Variants in CYP4Z1 observed in about 807,000 individuals in gnomAD.
The protein encoded by CYP4Z1 is cytochrome P450 family 4 subfamily Z member 1, also known as cytochrome P450 4Z1.
A neutral mutation model predicts 54.2 loss-of-function variants in CYP4Z1; 41 were observed. The ratio of observed to expected loss-of-function variants is 0.76; its 90% CI spans 0.59 to 0.98. The LOEUF (loss-of-function observed/expected upper bound fraction) is 0.98, where lower values mean the gene tolerates loss of function less well. Among genes scored for constraint, CYP4Z1 ranks in the 50% least tolerant of loss-of-function variants. The pLI, the probability that CYP4Z1 is intolerant of heterozygous loss-of-function variation, is 0.00. For synonymous variants in CYP4Z1, 163 were observed against 206.2 expected (o/e 0.79, Z 1.79); for missense variants, 513 against 599.0 (o/e 0.86, Z 1.50).
chr1:47,112,630 A>C (rs916731483), intron 9 of CYP4Z1, among the ~76,000 whole-genome samples: 2 of 152,172 alleles, frequency 1.3e-5, no homozygotes, highest in African/African-American at 4.8e-5. Flanking sequence ...TCATTGAAAT[A>C]AATGTATTGG....
In CYP4Z1 at chr1:47,114,606, A is replaced by G. The variant is rs1644816301; in HGVS notation, c.1202-923A>G. Among the ~76,000 whole-genome samples, 3 of 144,870 alleles carry G rather than the reference A, an allele frequency of 2.1e-5. No individual in the cohort carries two copies. The Admixed American group carries it at 2.1e-4, about 10-fold the overall frequency. On this transcript the variant is annotated intron_variant, in intron 9 of 11. Transcript: ENST00000334194. ...ACTCAAACAAATTTACAAGAAAAAA[A>G]CAAACAACCCCATCAACAAGAAGGT...
Position 47,082,431 on chromosome 1 carries a change from C to G in CYP4Z1, c.462C>G (p.Thr154=). 1 of 1,613,632 alleles carries G rather than the reference C, an allele frequency of 6.2e-7. No individual in the cohort carries two copies. The highest frequency in any genetic ancestry group is 8.5e-7 in the Non-Finnish European group (1 of 1,179,826). Reference sequence around the variant, plus strand: ...TCAGCATTCTGAAAATATTCATCACCATGATGTCTGAGAGTGTTCGGATGA... The same window carrying G: ...TCAGCATTCTGAAAATATTCATCACGATGATGTCTGAGAGTGTTCGGATGA... ...FNISILKIFI[T]MMSESVRMML... Residue 154 remains threonine, a synonymous_variant, in exon 4 of 12, where the codon ACC becomes ACG. Coordinates refer to ENST00000334194, the MANE Select transcript of CYP4Z1 (RefSeq NM_178134.3).
intron 7 of CYP4Z1, among the ~76,000 whole-genome samples, chr1:47,096,031 C>A (rs1394994987): frequency 6.6e-6 from 1 of 152,120 alleles, no homozygotes; most frequent in South Asian, 2.1e-4. Context: ...CACGACTCTT[C>A]CTAAACCAGG....
intron 9 of CYP4Z1, among the ~76,000 whole-genome samples, chr1:47,108,497 A>G (rs1569754945): frequency 6.6e-6 from 1 of 152,016 alleles, no homozygotes; most frequent in East Asian, 1.9e-4. Context: ...TTACCCAGAA[A>G]TCCTGTTTAT....
At chr1:47,109,236 G>A (rs1381683493) in intron 9 of CYP4Z1, among the ~76,000 whole-genome samples, 1 of 152,200 alleles carries the variant, frequency 6.6e-6, no homozygotes, top group African/African-American at 2.4e-5. Context: ...AGATTTTAAT[G>A]AATTTATGAA....
At chr1:47,088,846 T>A (rs1207561856) in intron 6 of CYP4Z1, among the ~76,000 whole-genome samples, 4 of 138,570 alleles carry the variant, frequency 2.9e-5, no homozygotes, top group East Asian at 2.1e-4. Context: ...GGTTTCGAAC[T>A]CCTGAGCTCA....
At chr1:47,066,477 G>A (rs1293293952), upstream of CYP4Z1, among the ~76,000 whole-genome samples, 1 of 152,066 alleles carries the variant, frequency 6.6e-6, no homozygotes, top group African/African-American at 2.4e-5. Context: ...ATCCCTTTAT[G>A]ATTAAAACTC....
chr1:47,074,215 T>C (rs1215711424), intron 2 of CYP4Z1, among the ~76,000 whole-genome samples: 1 of 151,260 alleles, frequency 6.6e-6, no homozygotes, highest in Admixed American at 6.6e-5. Flanking sequence ...TACTGCATGA[T>C]ACTGTGAAGT....
In CYP4Z1 at chr1:47,090,276, G is replaced by C. The variant is rs552804215; in HGVS notation, c.773-4290G>C. Among the ~76,000 whole-genome samples, 351 of 152,208 alleles carry C rather than the reference G, an allele frequency of 2.3e-3. 2 individuals are homozygous for C. Among genetic ancestry groups the C allele is most frequent in the African/African-American group, 8.1e-3 (338 of 41,514 alleles). On this transcript the variant is annotated intron_variant, in intron 6 of 11. Coordinates refer to ENST00000334194, the MANE Select transcript of CYP4Z1 (RefSeq NM_178134.3). ...CTCCTGCCATAAGCAAAACAACCTT[G>C]ACTAAATCTTTCCTGCAATTATTAA...
intron 2 of CYP4Z1, among the ~76,000 whole-genome samples, chr1:47,077,009 T>A (rs1644528882): frequency 6.6e-6 from 1 of 151,930 alleles, no homozygotes; most frequent in Non-Finnish European, 1.5e-5. Context: ...TACCATATGA[T>A]CTATGCTAAA....
intron 6 of CYP4Z1, among the ~76,000 whole-genome samples, chr1:47,089,370 C>A (rs772206781): frequency 6.6e-6 from 1 of 151,592 alleles, no homozygotes; most frequent in African/African-American, 2.4e-5. Context: ...GTGCAGGATA[C>A]GGATAATAAT....
At chr1:47,104,201 A>G (rs1644740628) in intron 8 of CYP4Z1, among the ~76,000 whole-genome samples, 1 of 152,210 alleles carries the variant, frequency 6.6e-6, no homozygotes. Context: ...TAATCGCTGT[A>G]TGATTTCTTC....
At chr1:47,099,063 T>A (rs1240108515) in intron 7 of CYP4Z1, 31 bp from the exon 8 acceptor site, 6 of 1,612,390 alleles carry the variant, frequency 3.7e-6, no homozygotes, top group African/African-American at 2.7e-5. Flanking sequence ...CATAGCCAGC[T>A]TTGGATAAAG....
upstream of CYP4Z1, among the ~76,000 whole-genome samples, chr1:47,063,502 T>C (rs1216919063): frequency 6.6e-6 from 1 of 151,748 alleles, no homozygotes; most frequent in Non-Finnish European, 1.5e-5. Flanking sequence ...TGATACAGGA[T>C]ATGAAAGGAA....
rs1557634679 is a variant in CYP4Z1, at chr1:47,110,082, G to GGA, written c.1201+3821_1201+3822insGA. ...ATGAATATGCTCATAAGGTGTCAGTGTGATTCTCTGGATTAATAAAACCCA... is the reference window on the plus strand; with the variant it reads ...ATGAATATGCTCATAAGGTGTCAGTGGATGATTCTCTGGATTAATAAAACCCA... On this transcript the variant is annotated intron_variant, in intron 9 of 11. Transcript: ENST00000334194. Among the ~76,000 whole-genome samples, 734 of 128,226 alleles carry GGA rather than the reference G, an allele frequency of 5.7e-3. 19 individuals carry two copies. Among genetic ancestry groups the GGA allele is most frequent in the African/African-American group, 0.021 (683 of 32,934 alleles). The allele number at this position is 128,226 out of a possible 152,430, so 84.1% of individuals were successfully genotyped here.
intron 1 of CYP4Z1, 149 bp downstream of exon 1, chr1:47,067,816 G>A (rs1644461685): frequency 4.3e-6 from 3 of 701,164 alleles, no homozygotes. Context: ...TATGATATGG[G>A]GAGGAAAGAT....
intron 8 of CYP4Z1, among the ~76,000 whole-genome samples, chr1:47,104,378 G>A (rs1293805816): frequency 6.6e-6 from 1 of 152,182 alleles, no homozygotes; most frequent in African/African-American, 2.4e-5. Context: ...GGGCACCAAG[G>A]TGATGTATAC....
chr1:47,096,661 C>T (rs1452152041), intron 7 of CYP4Z1: 1 of 146,208 alleles, frequency 6.8e-6, no homozygotes, highest in Admixed American at 6.9e-5. Context: ...TGGAGCCTCA[C>T]TCTGTCGCCC....
Position 47,116,740 on chromosome 1 carries a change from C to T in CYP4Z1, c.1349+8C>T. The T allele has an allele frequency of 1.3e-6, 2 of 1,596,038 alleles. No individual in the cohort carries two copies. The highest frequency in any genetic ancestry group is 1.7e-6 in the Non-Finnish European group (2 of 1,166,642). ...ATTCTCAGCTGGATTAAGGTAAAGACTCAAGCTGGTGAACTTGATGGAAAT... is the reference window on the plus strand; with the variant it reads ...ATTCTCAGCTGGATTAAGGTAAAGATTCAAGCTGGTGAACTTGATGGAAAT... On this transcript the variant is annotated splice_region_variant and intron_variant, in intron 11 of 11. Coordinates refer to ENST00000334194, the MANE Select transcript of CYP4Z1 (RefSeq NM_178134.3).
Sources: allele counts gnomAD v4.1 joint callset (sites outside exome capture counted in the v4.1 genomes callset), GRCh38; gene constraint gnomAD v4.1.1; transcripts MANE v1.5; gene names NCBI Gene and HGNC (gene_info 2026-07-23, HGNC 2026-07-21).